Variants in DDB1 observed in about 807,000 individuals in gnomAD.
The protein encoded by DDB1 is DNA damage-binding protein 1.
DDB1 carries 18 observed loss-of-function variants against 133.1 expected under a neutral mutation model. That is an observed-to-expected ratio of 0.14 (90% CI 0.09 to 0.20). DDB1 has a LOEUF of 0.20. DDB1 is among the 10% of genes least tolerant of loss of function. The pLI is 1.00. For missense variants in DDB1, 828 were observed against 1,459.2 expected (o/e 0.57, Z 7.05); for synonymous variants, 580 against 550.5 (o/e 1.05, Z -0.75).
At chr11:61,329,697 C>G in intron 3 of DDB1, 113 bp from the exon 4 acceptor site, 1 of 999,988 alleles carries the variant, frequency 1.0e-6, no homozygotes, top group South Asian at 1.6e-5. Flanking sequence ...ACTAATGGAT[C>G]TATTTGATAG....
Position 61,313,513 on chromosome 11 carries a change from A to T in DDB1, c.2055T>A (p.Asp685Glu). The change falls in exon 16 of 27, where the codon GAT (aspartate) becomes GAA (glutamate). Residue 685 changes from aspartate (D) to glutamate (E), a missense_variant. Physicochemically the swap from Asp to Glu is conservative, Grantham distance 45. Transcript: ENST00000301764. ...AAGAGACTCACCTGTCAGGATAGCC[A>T]TCTGAATTGAGGGGACACATGTAGT... is the stretch of plus-strand genomic sequence containing the variant. ...EVNYMCPLNS[D>E]GYPDSLALAN... is the part of the protein sequence containing the mutation. The T allele has an allele frequency of 6.2e-7, 1 of 1,614,128 alleles. No individual in the cohort carries two copies. The highest frequency in any genetic ancestry group is 8.5e-7 in the Non-Finnish European group (1 of 1,179,970).
Position 61,322,424 on chromosome 11 carries a change from G to A in DDB1, c.1006-12C>T, listed in dbSNP as rs775671544. On this transcript the variant is annotated splice_polypyrimidine_tract_variant and intron_variant, in intron 8 of 26. Transcript: ENST00000301764. ...CTGTCAACGTTGAGCTAATAAGAAA[G>A]AACAATGTTATGTTAGTCCTAGAAC... 2.5e-6 allele frequency: 4 copies of A among 1,602,976 alleles called. No individual in the cohort carries two copies. In the South Asian group the frequency reaches 4.4e-5, roughly 18 times the overall value.
intron 4 of DDB1, 164 bp from the exon 5 acceptor site, chr11:61,327,057 G>A: frequency 1.6e-6 from 1 of 617,110 alleles, no homozygotes; most frequent in Non-Finnish European, 2.9e-6. Flanking sequence ...AGCTGAGCCT[G>A]GGATGAATTC....
Position 61,299,782 on chromosome 11 carries a change from TACACACACACACATACACACACAC to T in DDB1, c.*330_*353del, listed in dbSNP as rs1855761685. On this transcript the variant is annotated 3_prime_UTR_variant, in exon 27 of 27. Coordinates refer to ENST00000301764, the MANE Select transcript of DDB1 (RefSeq NM_001923.5). ...ACAATGCATGAGTGTGAGATACACA[TACACACACACACATACACACACAC>T]ACACGCACAGCTTCCTTTCAGCCAA... The T allele has an allele frequency of 1.5e-5, 5 of 340,976 alleles. No homozygotes were observed. In the Admixed American group the frequency reaches 2.1e-4, roughly 14 times the overall value. The allele number at this position is 340,976 out of a possible 1,614,324, so 21.1% of individuals were successfully genotyped here.
At chr11:61,302,964 C>T in intron 23 of DDB1, 82 bp downstream of exon 23, 9 of 1,389,198 alleles carry the variant, frequency 6.5e-6, no homozygotes, top group Non-Finnish European at 9.1e-6. Context: ...CTGAACCTGA[C>T]ACAGAACCCA....
intron 18 of DDB1, chr11:61,310,700 G>C (rs779242152): frequency 1.7e-4 from 47 of 268,606 alleles, no homozygotes; most frequent in Non-Finnish European, 2.7e-4. Context: ...AATGGGGACA[G>C]ACTCCACTAC....
At chr11:61,324,808 T>C (rs1243262438) in intron 6 of DDB1, among the ~76,000 whole-genome samples, 1 of 152,256 alleles carries the variant, frequency 6.6e-6, no homozygotes, top group Non-Finnish European at 1.5e-5. Flanking sequence ...TATCAATATA[T>C]TACTTTATAT....
At chr11:61,310,924 G>A (rs1453375012) in intron 18 of DDB1, 1 of 152,376 alleles carries the variant, frequency 6.6e-6, no homozygotes, top group Non-Finnish European at 1.5e-5. Context: ...GAAAACTGAA[G>A]TTTAGGCTTT....
chr11:61,332,891 G>T lies in DDB1; in HGVS notation c.61+17C>A, dbSNP rs1233903893. 6 of 1,471,202 alleles carry T rather than the reference G, an allele frequency of 4.1e-6. No homozygotes were observed. The highest frequency in any genetic ancestry group is 5.5e-6 in the Non-Finnish European group (6 of 1,100,832). The allele number at this position is 1,471,202 out of a possible 1,614,324, so 91.1% of individuals were successfully genotyped here. ...AACTCCCTCACTCGCCGGGGTCTCC[G>T]GCCCCGGCAGCCTCACCGGTCACGC... On this transcript the variant is annotated intron_variant, in intron 1 of 26. Coordinates refer to ENST00000301764, the MANE Select transcript of DDB1 (RefSeq NM_001923.5).
chr11:61,320,199 CTTTTT>C (rs1170118839), intron 10 of DDB1, among the ~76,000 whole-genome samples: 3 of 149,284 alleles, frequency 2.0e-5, no homozygotes, highest in Admixed American at 1.3e-4. Flanking sequence ...CTTCTCTTTT[CTTTTT>C]TTCTTTTTTT....
intron 9 of DDB1, 129 bp from the exon 10 acceptor site, chr11:61,321,826 A>G: frequency 1.3e-6 from 1 of 769,128 alleles, no homozygotes; most frequent in Non-Finnish European, 2.2e-6. Context: ...TTGAGGATGC[A>G]GACTTGGCAG....
intron 10 of DDB1, among the ~76,000 whole-genome samples, chr11:61,318,995 T>C (rs2134922188): frequency 6.6e-6 from 1 of 152,318 alleles, no homozygotes; most frequent in South Asian, 2.1e-4. Context: ...GCCTAGGAGT[T>C]TGAGACCAGC....
chr11:61,327,896 C>T (rs7397033), intron 4 of DDB1, among the ~76,000 whole-genome samples: 129,456 of 152,246 alleles, frequency 0.85, 58,593 homozygotes, highest in Non-Finnish European at 1. Context: ...TCACATAGCA[C>T]TAAGTACCTA....
intron 4 of DDB1, among the ~76,000 whole-genome samples, chr11:61,327,173 A>G (rs753553424): frequency 5.9e-5 from 9 of 152,244 alleles, no homozygotes; most frequent in Admixed American, 2.6e-4. Flanking sequence ...ACTAGGTACT[A>G]TAAGAGATAC....
At chr11:61,318,791 T>C (rs1430186832) in intron 10 of DDB1, among the ~76,000 whole-genome samples, 1 of 152,224 alleles carries the variant, frequency 6.6e-6, no homozygotes, top group Non-Finnish European at 1.5e-5. Context: ...TTTTTTTACA[T>C]TAAGTTTTTC....
chr11:61,320,287 G>C (rs906512972), intron 10 of DDB1, among the ~76,000 whole-genome samples: 1 of 150,962 alleles, frequency 6.6e-6, no homozygotes, highest in Non-Finnish European at 1.5e-5. Flanking sequence ...TGCAACCTCC[G>C]CCTCCCAGGT....
rs1309412450 is a variant in DDB1, at chr11:61,314,437, A to T, written c.1460T>A (p.Val487Asp). The T allele has an allele frequency of 6.2e-7, 1 of 1,614,134 alleles. No individual in the cohort carries two copies. The highest frequency in any genetic ancestry group is 1.3e-5 in the African/African-American group (1 of 75,038). ...GGCCTGAGGCTCCTTCCATTCACTG[A>T]CCAGAGCTTTGGGTTCTTGAGAGAC... ...RLVSQEPKAL[V>D]SEWKEPQAKN... Residue 487 changes from valine (V) to aspartate (D), a missense_variant, in exon 13 of 27, where the codon GTC becomes GAC. Val to Asp is a radical substitution (Grantham distance 152, BLOSUM62 -3). Coordinates refer to ENST00000301764, the MANE Select transcript of DDB1 (RefSeq NM_001923.5).
intron 10 of DDB1, 38 bp downstream of exon 10, chr11:61,321,557 A>G: frequency 6.3e-7 from 1 of 1,595,392 alleles, no homozygotes; most frequent in Non-Finnish European, 8.6e-7. Flanking sequence ...AAAGTCCCTC[A>G]TGTAAGATCT....
At position 61,329,271 on chromosome 11, in the gene DDB1, C is replaced by T. The variant is rs1166449946; in HGVS notation, c.549+92G>A. The stretch of plus-strand genomic sequence containing the variant: ...GGACAAACACATTAAACACTTCTCT[C>T]TATCCTACCAAACCCAGACATGCCA... On this transcript the variant is annotated intron_variant, in intron 4 of 26. Coordinates refer to ENST00000301764, the MANE Select transcript of DDB1 (RefSeq NM_001923.5). 3.0e-5 allele frequency: 34 copies of T among 1,144,350 alleles called. 1 individual carries two copies. Among genetic ancestry groups the T allele is most frequent in the Non-Finnish European group, 4.1e-5 (31 of 755,534 alleles). 70.9% of individuals were successfully genotyped at this position (1,144,350 alleles called of 1,614,324 possible). A position where few individuals can be genotyped will look rare whatever the true frequency, so the allele number is the denominator to read the frequency against.
Sources: gnomAD v4.1 joint callset for allele counts (sites outside exome capture counted in the v4.1 genomes callset) on GRCh38, gnomAD v4.1.1 for gene constraint, MANE v1.5 for transcripts, NCBI Gene and HGNC (gene_info 2026-07-23, HGNC 2026-07-21) for gene names.